The following RABGAP1 variants were observed in gnomAD, a reference collection of about 807,000 sequenced individuals.
RABGAP1 encodes the protein rab GTPase-activating protein 1.
Under a neutral mutation model 137.6 loss-of-function variants are expected in RABGAP1, and 23 were observed. The ratio of observed to expected loss-of-function variants is 0.17; its 90% confidence interval spans 0.12 to 0.24. The LOEUF is 0.24. Ranked by LOEUF, RABGAP1 falls within the 10% of genes least tolerant of loss-of-function variation. RABGAP1 has a pLI of 1.00. For synonymous variants in RABGAP1, 451 were observed against 450.7 expected (o/e 1.00, Z -0.01); for missense variants, 906 against 1,275.8 (o/e 0.71, Z 4.42).
At chr9:123,021,892 G>T (rs992419582) in intron 13 of RABGAP1, among the ~76,000 whole-genome samples, 2 of 152,160 alleles carry the variant, frequency 1.3e-5, no homozygotes, top group Non-Finnish European at 2.9e-5. Flanking sequence ...AGCACAGTGG[G>T]AGCCATCAAA....
chr9:123,077,551 C>T (rs550742494), intron 19 of RABGAP1, among the ~76,000 whole-genome samples: 4 of 151,904 alleles, frequency 2.6e-5, no homozygotes, highest in South Asian at 4.1e-4. Context: ...ATTTGTGATT[C>T]GCACAATTTT....
chr9:123,104,294 C>T lies in RABGAP1; in HGVS notation c.*1081C>T, dbSNP rs183456315. ...TGCTGCGAGGTCTCCATCCTCCGGG[C>T]CTGTCCCTCCCAGATGGGCTGGGCC... is the stretch of plus-strand genomic sequence containing the variant. On this transcript the variant is annotated 3_prime_UTR_variant, in exon 26 of 26. Coordinates refer to ENST00000373647, the MANE Select transcript of RABGAP1 (RefSeq NM_012197.4). The T allele has an allele frequency of 9.2e-5, 14 of 152,682 alleles. No homozygotes were observed. The highest frequency in any genetic ancestry group is 5.9e-4 in the Admixed American group (9 of 15,302). 9.5% of individuals were successfully genotyped at this position (152,682 alleles called of 1,614,324 possible). A position where few individuals can be genotyped will look rare whatever the true frequency, so the allele number is the denominator to read the frequency against.
intron 14 of RABGAP1, chr9:123,065,662 GT>G (rs2034145569): frequency 3.9e-6 from 2 of 508,538 alleles, no homozygotes; most frequent in Non-Finnish European, 7.1e-6. Context: ...AAATGGTAGG[GT>G]TTCCTTTCCC....
intron 13 of RABGAP1, among the ~76,000 whole-genome samples, chr9:123,023,040 G>A (rs567100711): frequency 2.8e-4 from 43 of 152,116 alleles, no homozygotes; most frequent in African/African-American, 7.2e-4. Flanking sequence ...AATACACTGC[G>A]GTGACCACTA....
intron 14 of RABGAP1, among the ~76,000 whole-genome samples, chr9:123,069,795 G>A (rs752027089): frequency 6.6e-6 from 1 of 152,048 alleles, no homozygotes; most frequent in Non-Finnish European, 1.5e-5. Flanking sequence ...GATGGAGCAG[G>A]ATCCCTTGAG....
intron 24 of RABGAP1, among the ~76,000 whole-genome samples, chr9:123,100,867 G>A (rs946519731): frequency 2.6e-5 from 4 of 152,206 alleles, no homozygotes; most frequent in Non-Finnish European, 4.4e-5. Flanking sequence ...ACTGTGGTGT[G>A]TATTCTTTCA....
intron 11 of RABGAP1, among the ~76,000 whole-genome samples, chr9:123,014,226 G>C (rs2031044177): frequency 6.6e-6 from 1 of 152,100 alleles, no homozygotes; most frequent in Non-Finnish European, 1.5e-5. Flanking sequence ...TTCCTCTCAT[G>C]CCTTGATCAG....
chr9:123,070,311 A>ACATT lies in RABGAP1; in HGVS notation c.1909-34_1909-31dup. 1 of 1,613,040 alleles carries ACATT rather than the reference A, an allele frequency of 6.2e-7. No homozygotes were observed. The highest frequency in any genetic ancestry group is 8.5e-7 in the Non-Finnish European group (1 of 1,179,538). ...GTGCCACCATGGCCCACAAGTGGCTACATTCATTTACATTTCCTCTGTGTG... is the reference window on the plus strand; with the variant it reads ...GTGCCACCATGGCCCACAAGTGGCTACATTCATTCATTTACATTTCCTCTGTGTG... On this transcript the variant is annotated intron_variant, in intron 14 of 25. Coordinates refer to ENST00000373647, the MANE Select transcript of RABGAP1 (RefSeq NM_012197.4). The surrounding 1 kb of genome is among the most constrained non-coding windows in gnomAD (Gnocchi z 4.4).
At chr9:123,048,010 C>G (rs2132048245) in intron 13 of RABGAP1, among the ~76,000 whole-genome samples, 1 of 143,010 alleles carries the variant, frequency 7.0e-6, no homozygotes, top group Admixed American at 7.5e-5. Context: ...GCGATCTCGG[C>G]CCACTGCGAA....
Position 123,103,341 on chromosome 9 carries a change from T to C in RABGAP1, c.*128T>C. 7.1e-7 allele frequency: 1 copy of C among 1,412,630 alleles called. No individual in the cohort carries two copies. The highest frequency in any genetic ancestry group is 9.6e-7 in the Non-Finnish European group (1 of 1,046,382). 87.5% of individuals were successfully genotyped at this position (1,412,630 alleles called of 1,614,324 possible). On this transcript the variant is annotated 3_prime_UTR_variant, in exon 26 of 26. Transcript: ENST00000373647. The stretch of plus-strand genomic sequence containing the variant: ...CCTAAGTCAGATCCATAGACGCATG[T>C]TGGTAGGTCACTGGACCAGAGCTTG...
intron 2 of RABGAP1, among the ~76,000 whole-genome samples, chr9:122,982,048 CAAA>C (rs761154597): frequency 5.4e-5 from 4 of 73,562 alleles, no homozygotes; most frequent in Admixed American, 1.5e-4. Flanking sequence ...GACTCTGTCT[CAAA>C]AAAAAAAAAA....
intron 21 of RABGAP1, among the ~76,000 whole-genome samples, chr9:123,097,458 A>G (rs1268290298): frequency 6.6e-6 from 1 of 152,186 alleles, no homozygotes; most frequent in East Asian, 1.9e-4. Context: ...GAGGTTCTCA[A>G]TGACTTGTCC....
chr9:122,999,166 A>ATTG (rs917341890), intron 10 of RABGAP1, among the ~76,000 whole-genome samples: 16 of 146,156 alleles, frequency 1.1e-4, no homozygotes, highest in African/African-American at 2.3e-4. Context: ...TTTCATTTTT[A>ATTG]TTGTTGTTGT....
chr9:123,035,597 T>TTAATGGA (rs2032596548), intron 13 of RABGAP1: 1 of 1,591,456 alleles, frequency 6.3e-7, no homozygotes, highest in Admixed American at 1.7e-5. Context: ...AAAGGCCCTC[T>TTAATGGA]TAATGGATGT....
chr9:122,967,135 G>T (rs898511002), intron 2 of RABGAP1, among the ~76,000 whole-genome samples: 1 of 152,146 alleles, frequency 6.6e-6, no homozygotes, highest in African/African-American at 2.4e-5. Context: ...GTAGTGATCA[G>T]GTATGTCTGA....
At chr9:123,087,989 C>G (rs1489871461) in intron 19 of RABGAP1, among the ~76,000 whole-genome samples, 1 of 151,866 alleles carries the variant, frequency 6.6e-6, no homozygotes. Context: ...CACGTCAGCA[C>G]TTTAGTGCTG....
At position 122,941,026 on chromosome 9, in the gene RABGAP1, G is replaced by A. The variant is rs1052666850; in HGVS notation, c.-117G>A. 2 of 152,676 alleles carry A rather than the reference G, an allele frequency of 1.3e-5. No homozygotes were observed. The highest frequency in any genetic ancestry group is 2.9e-5 in the Non-Finnish European group (2 of 68,510). The allele number at this position is 152,676 out of a possible 1,614,324, so 9.5% of individuals were successfully genotyped here. On this transcript the variant is annotated 5_prime_UTR_variant, in exon 1 of 26. Coordinates refer to ENST00000373647, the MANE Select transcript of RABGAP1 (RefSeq NM_012197.4). ...GGGGGGGCGGGGACAGGGCGGTTTG[G>A]GAGGCCCAGGCGGCGGAGCCTCCGG...
chr9:122,966,549 T>G (rs888366450), intron 2 of RABGAP1, among the ~76,000 whole-genome samples: 4 of 151,730 alleles, frequency 2.6e-5, no homozygotes, highest in African/African-American at 9.7e-5. Flanking sequence ...TAAATAAAGC[T>G]ATAGAATTAG....
At chr9:123,085,267 A>G (rs1214221256) in intron 19 of RABGAP1, among the ~76,000 whole-genome samples, 1 of 152,208 alleles carries the variant, frequency 6.6e-6, no homozygotes, top group African/African-American at 2.4e-5. Flanking sequence ...CAGGGGGCCC[A>G]TGAGCCCTCT....
Sources: allele counts gnomAD v4.1 joint callset (sites outside exome capture counted in the v4.1 genomes callset), GRCh38; gene constraint gnomAD v4.1.1; non-coding constraint Gnocchi (gnomAD v3.1); transcripts MANE v1.5; gene names NCBI Gene and HGNC (gene_info 2026-07-23, HGNC 2026-07-21).